Variants in MTPAP observed in about 807,000 individuals in gnomAD.
MTPAP encodes the protein poly(A) RNA polymerase, mitochondrial.
In MTPAP, 23 loss-of-function variants were observed where a neutral mutation model predicts 48.7. The observed-to-expected ratio is 0.47, with a 90% CI of 0.34 to 0.67. MTPAP has a LOEUF of 0.67. Ranked by LOEUF, MTPAP falls within the 30% of genes least tolerant of loss-of-function variation. The pLI is 0.01. For missense variants in MTPAP, 614 were observed against 694.3 expected (o/e 0.88, Z 1.30); for synonymous variants, 257 against 254.1 (o/e 1.01, Z -0.11).
In MTPAP at chr10:30,341,180, C is replaced by A. The variant is rs141767561; in HGVS notation, c.330+288G>T. Among the ~76,000 whole-genome samples the A allele has an allele frequency of 3.3e-4, 51 of 152,292 alleles. 1 individual carries two copies. The highest frequency in any genetic ancestry group is 6.2e-4 in the Non-Finnish European group (42 of 68,022). ...GCAATATGATCGTACCTGCCAACAG[C>A]CACTGCACTCCAGCATAGGCCACAT... On this transcript the variant is annotated intron_variant, in intron 2 of 8. Transcript: ENST00000263063.
chr10:30,316,873 A>C (rs1840668945), intron 6 of MTPAP, among the ~76,000 whole-genome samples: 1 of 149,294 alleles, frequency 6.7e-6, no homozygotes, highest in East Asian at 2.0e-4. Flanking sequence ...CAAGAGAGCA[A>C]GACTCCATCT....
At chr10:30,327,858 A>C (rs540747729) in intron 4 of MTPAP, among the ~76,000 whole-genome samples, 278 of 152,180 alleles carry the variant, frequency 1.8e-3, no homozygotes, top group African/African-American at 6.4e-3. Flanking sequence ...AAAAAAAAAA[A>C]AAACTGAAGT....
Position 30,313,808 on chromosome 10 carries a change from G to T in MTPAP, c.1550C>A (p.Pro517His). The T allele has an allele frequency of 1.2e-6, 2 of 1,614,208 alleles. No individual in the cohort carries two copies. Among genetic ancestry groups the T allele is most frequent in the Non-Finnish European group, 1.7e-6 (2 of 1,180,024 alleles). ...WILQQEDTDR[P>H]SISSNRPWGL... ...CCAGGGCCGATTACTTGATATGGAA[G>T]GTCGATCTGTATCTTCCTGTTGTAA... is the stretch of plus-strand genomic sequence containing the variant. Residue 517 changes from proline to histidine, a missense_variant, in exon 9 of 9, where the codon CCT (proline) becomes CAT (histidine). Physicochemically the swap from Pro to His is moderately conservative, Grantham distance 77 (BLOSUM62 -2). Around this residue, in one of 5 missense-constraint regions of MTPAP, gnomAD observed 109 missense variants for 100.5 expected, o/e 1.08. Transcript: ENST00000263063.
intron 6 of MTPAP, among the ~76,000 whole-genome samples, chr10:30,321,857 C>T (rs1485537505): frequency 2.0e-5 from 3 of 152,138 alleles, no homozygotes; most frequent in Non-Finnish European, 4.4e-5. Context: ...GGCTGAGGCA[C>T]AAGAATCACT....
intron 5 of MTPAP, among the ~76,000 whole-genome samples, chr10:30,325,601 G>A (rs1297315105): frequency 6.6e-6 from 1 of 151,954 alleles, no homozygotes; most frequent in African/African-American, 2.4e-5. Context: ...ACAAAAATTA[G>A]CCAGCGTGAT....
chr10:30,315,907 A>G, intron 8 of MTPAP, 56 bp downstream of exon 8: 1 of 1,430,920 alleles, frequency 7.0e-7, no homozygotes, highest in Non-Finnish European at 9.6e-7. Context: ...AGTTAATTAA[A>G]TATTAGTACA....
At chr10:30,328,263 G>T (rs1462304389) in intron 4 of MTPAP, among the ~76,000 whole-genome samples, 1 of 152,168 alleles carries the variant, frequency 6.6e-6, no homozygotes, top group Non-Finnish European at 1.5e-5. Context: ...ACAGAAATGA[G>T]ATTTTTTATT....
chr10:30,345,238 G>A (rs576702343), intron 1 of MTPAP, among the ~76,000 whole-genome samples: 31 of 152,188 alleles, frequency 2.0e-4, no homozygotes, highest in African/African-American at 4.6e-4. Flanking sequence ...ACATTTTCCC[G>A]TATCAGAAGA....
In MTPAP at chr10:30,341,643, A is replaced by G. The variant is rs1377854980; in HGVS notation, c.158-3T>C. 1.2e-6 allele frequency: 2 copies of G among 1,613,734 alleles called. No homozygotes were observed. Among genetic ancestry groups the G allele is most frequent in the African/African-American group, 2.7e-5 (2 of 74,938 alleles). On this transcript the variant is annotated splice_region_variant and splice_polypyrimidine_tract_variant and intron_variant, in intron 1 of 8. Transcript: ENST00000263063. The stretch of plus-strand genomic sequence containing the variant: ...TTTGGGAATCTTGTCTTCAAAGCCT[A>G]TGAACGAGACAAAAACATTTCCACC...
intron 3 of MTPAP, 97 bp downstream of exon 3, chr10:30,340,129 C>T: frequency 9.9e-7 from 1 of 1,010,824 alleles, no homozygotes; most frequent in Non-Finnish European, 1.5e-6. Context: ...GATCTATACC[C>T]ATTAAACAAT....
chr10:30,342,620 A>C (rs1834825892), intron 1 of MTPAP, among the ~76,000 whole-genome samples: 1 of 152,188 alleles, frequency 6.6e-6, no homozygotes, highest in Non-Finnish European at 1.5e-5. Context: ...AAAATTGTGC[A>C]AATTGTAACA....
intron 3 of MTPAP, among the ~76,000 whole-genome samples, 157 bp from the exon 4 acceptor site, chr10:30,337,184 G>A (rs1834740083): frequency 6.6e-6 from 1 of 152,164 alleles, no homozygotes; most frequent in African/African-American, 2.4e-5. Flanking sequence ...CAACATTTTG[G>A]GAGGCCAAGG....
chr10:30,316,238 G>C (rs367683233), intron 6 of MTPAP, 28 bp from the exon 7 acceptor site: 1 of 1,544,542 alleles, frequency 6.5e-7, no homozygotes, highest in South Asian at 1.2e-5. Flanking sequence ...AATATTTCAC[G>C]TGTTTTTTTT....
chr10:30,326,467 G>A lies in MTPAP; in HGVS notation c.949C>T (p.His317Tyr), dbSNP rs1429185852. The A allele has an allele frequency of 1.9e-6, 3 of 1,614,054 alleles. No homozygotes were observed. The highest frequency in any genetic ancestry group is 2.5e-6 in the Non-Finnish European group (3 of 1,180,044). ...NARCPLVRFS[H>Y]QASGFQCDLT... ...TCACACTGAAATCCGGAGGCCTGGT[G>A]TGAGAACCTCACGAGCGGACACCGG... The change falls in exon 5 of 9, where the codon CAC (histidine) becomes TAC (tyrosine). Residue 317 changes from histidine (H) to tyrosine (Y), a missense_variant. Coordinates refer to ENST00000263063, the MANE Select transcript of MTPAP (RefSeq NM_018109.4).
chr10:30,315,115 A>G (rs753385029), intron 8 of MTPAP, among the ~76,000 whole-genome samples: 19 of 152,174 alleles, frequency 1.2e-4, no homozygotes, highest in Non-Finnish European at 4.4e-5. Flanking sequence ...TGGAGTACAA[A>G]AAAGGTGACG....
chr10:30,313,664 C>A lies in MTPAP; in HGVS notation c.1694G>T (p.Arg565Ile). 1 of 1,614,082 alleles carries A rather than the reference C, an allele frequency of 6.2e-7. No homozygotes were observed. The highest frequency in any genetic ancestry group is 8.5e-7 in the Non-Finnish European group (1 of 1,179,958). Residue 565 changes from arginine to isoleucine, a missense_variant, in exon 9 of 9, where the codon AGA (arginine) becomes ATA (isoleucine). Arg to Ile is a moderately conservative substitution (Grantham distance 97). Coordinates refer to ENST00000263063, the MANE Select transcript of MTPAP (RefSeq NM_018109.4). ...KNLLESLKGN[R>I]TENFTKTSGK... is the part of the protein sequence containing the mutation. ...ACTGGTTTTTGTGAAATTTTCTGTT[C>A]TGTTACCTTTTAAAGATTCTAGCAA...
chr10:30,328,278 A>G (rs1477526215), intron 4 of MTPAP, among the ~76,000 whole-genome samples: 1 of 152,230 alleles, frequency 6.6e-6, no homozygotes, highest in African/African-American at 2.4e-5. Flanking sequence ...TTTATTTTTC[A>G]GCCTGGTAAA....
At chr10:30,314,585 T>C (rs963383797) in intron 8 of MTPAP, among the ~76,000 whole-genome samples, 6 of 152,106 alleles carry the variant, frequency 3.9e-5, no homozygotes, top group Admixed American at 1.3e-4. Context: ...CCACATAAGA[T>C]AGTATCTCAC....
intron 3 of MTPAP, among the ~76,000 whole-genome samples, chr10:30,338,379 AAAT>A (rs1358582854): frequency 6.6e-6 from 1 of 152,218 alleles, no homozygotes; most frequent in African/African-American, 2.4e-5. Context: ...TTCAACTCAA[AAAT>A]AATAAAAGAG....
Sources: allele counts gnomAD v4.1 joint callset (sites outside exome capture counted in the v4.1 genomes callset), GRCh38; gene constraint gnomAD v4.1.1; regional missense constraint gnomAD v4.1.1; transcripts MANE v1.5; gene names NCBI Gene and HGNC (gene_info 2026-07-23, HGNC 2026-07-21).